DMBT1: variants seen among roughly 807,000 people sequenced by gnomAD.
The protein encoded by DMBT1 is deleted in malignant brain tumors 1, also known as scavenger receptor cysteine-rich domain-containing protein DMBT1.
A neutral mutation model predicts 252.9 loss-of-function variants in DMBT1; 198 were observed. The ratio of observed to expected loss-of-function variants is 0.78; its 90% CI spans 0.70 to 0.88. The LOEUF is 0.88. Among genes scored for constraint, DMBT1 ranks in the 40% least tolerant of loss-of-function variants. The pLI is 0.00. For missense variants in DMBT1, 2,432 were observed against 2,404.7 expected (o/e 1.01, Z -0.24); for synonymous variants, 990 against 942.7 (o/e 1.05, Z -0.92).
At chr10:122,585,980 C>A (rs942580218) in intron 15 of DMBT1, 80 bp from the exon 16 acceptor site, 5 of 1,573,720 alleles carry the variant, frequency 3.2e-6, no homozygotes, top group Admixed American at 1.7e-5. Flanking sequence ...GCCATTAGGA[C>A]GTGCCTTGAG....
intron 53 of DMBT1, 68 bp downstream of exon 53, chr10:122,636,267 T>C: frequency 7.2e-7 from 1 of 1,386,122 alleles, no homozygotes; most frequent in East Asian, 2.4e-5. Context: ...GGCTCAACTG[T>C]CCTGTTGTTG....
At chr10:122,618,464 G>A in intron 41 of DMBT1, 124 bp downstream of exon 41, 2 of 1,521,134 alleles carry the variant, frequency 1.3e-6, no homozygotes, top group South Asian at 1.3e-5. Flanking sequence ...CTGAAGTCTT[G>A]TTAGCTCTCT....
rs573596741 is a variant in DMBT1, at chr10:122,580,682, G to A, written c.1004-184G>A. On this transcript the variant is annotated intron_variant, in intron 10 of 55. Transcript: ENST00000338354. ...ACCTCAGAGCTGGCAATAGTGGACA[G>A]GATCTGCCTCGACCCCTTACACGGT... Among the ~76,000 whole-genome samples, 5 of 152,216 alleles carry A rather than the reference G, an allele frequency of 3.3e-5. No homozygotes were observed. The South Asian group carries it at 1.0e-3, about 32-fold the overall frequency.
intron 46 of DMBT1, among the ~76,000 whole-genome samples, chr10:122,626,472 A>G (rs1290713158): frequency 1.3e-5 from 2 of 152,238 alleles, no homozygotes; most frequent in Admixed American, 1.3e-4. Context: ...TGTGATGAAG[A>G]ATATTTTTAT....
At chr10:122,600,816 C>A (rs749589311) in intron 27 of DMBT1, among the ~76,000 whole-genome samples, 175 bp from the exon 28 acceptor site, 1 of 152,144 alleles carries the variant, frequency 6.6e-6, no homozygotes, top group Non-Finnish European at 1.5e-5. Context: ...CCAGCAGGAC[C>A]TTTGTCCGTG....
At chr10:122,577,014 A>G in intron 7 of DMBT1, among the ~76,000 whole-genome samples, 1 of 152,214 alleles carries the variant, frequency 6.6e-6, no homozygotes, top group South Asian at 2.1e-4. Flanking sequence ...CTGTGGGTAC[A>G]ATGCCACGGT....
chr10:122,587,419 G>A (rs955175253), intron 16 of DMBT1, among the ~76,000 whole-genome samples: 1 of 149,008 alleles, frequency 6.7e-6, no homozygotes, highest in Non-Finnish European at 1.5e-5. Context: ...GAGCACTGCA[G>A]TGTCTTGCCT....
intron 16 of DMBT1, among the ~76,000 whole-genome samples, chr10:122,587,418 A>G (rs1271556031): frequency 6.7e-6 from 1 of 148,924 alleles, no homozygotes; most frequent in Non-Finnish European, 1.5e-5. Context: ...AGAGCACTGC[A>G]GTGTCTTGCC....
At chr10:122,619,137 C>T (rs925613428) in intron 41 of DMBT1, among the ~76,000 whole-genome samples, 171 bp from the exon 42 acceptor site, 1 of 152,220 alleles carries the variant, frequency 6.6e-6, no homozygotes, top group African/African-American at 2.4e-5. Flanking sequence ...TCTGCCTGCA[C>T]CCCTTATATG....
At chr10:122,571,119 A>G (rs1399304558) in intron 4 of DMBT1, among the ~76,000 whole-genome samples, 182 bp downstream of exon 4, 1 of 152,224 alleles carries the variant, frequency 6.6e-6, no homozygotes, top group Non-Finnish European at 1.5e-5. Context: ...ACCACACATG[A>G]GCACGTGTTT....
intron 8 of DMBT1, 43 bp from the exon 9 acceptor site, chr10:122,578,675 C>G: frequency 6.4e-7 from 1 of 1,563,482 alleles, no homozygotes; most frequent in Non-Finnish European, 8.7e-7. Context: ...ACCTTTTTCC[C>G]TTCAAGTCCA....
intron 51 of DMBT1, 57 bp from the exon 52 acceptor site, chr10:122,633,134 G>A: frequency 1.3e-5 from 20 of 1,584,138 alleles, no homozygotes; most frequent in Non-Finnish European, 1.7e-5. Context: ...TAGTCCGCAG[G>A]TAGACTGTGC....
intron 2 of DMBT1, among the ~76,000 whole-genome samples, chr10:122,569,328 G>A (rs185216173): frequency 6.6e-6 from 1 of 152,252 alleles, no homozygotes; most frequent in African/African-American, 2.4e-5. Context: ...ATCAAATTGA[G>A]GAGTGAACCA....
chr10:122,591,500 T>G lies in DMBT1; in HGVS notation c.2159T>G (p.Leu720Ter). 6.3e-7 allele frequency: 1 copy of G among 1,587,614 alleles called. No individual in the cohort carries two copies. The highest frequency in any genetic ancestry group is 8.6e-7 in the Non-Finnish European group (1 of 1,165,028). ...ACAGACACGTTGTCGACCATCACGT[T>G]ACCTCCATCGACAGTAGGTAAATAA... ...PRPDTLSTIT[L>*]PPSTVGSESS... Residue 720 changes from leucine to a stop codon, truncating the protein, a stop_gained, in exon 19 of 56, where the codon TTA becomes TGA. Coordinates refer to ENST00000338354, the MANE Select transcript of DMBT1 (RefSeq NM_001377530.1). LOFTEE classifies it high-confidence loss of function.
intron 14 of DMBT1, 130 bp from the exon 15 acceptor site, chr10:122,585,141 A>G: frequency 8.0e-7 from 1 of 1,248,002 alleles, no homozygotes; most frequent in Non-Finnish European, 1.1e-6. Context: ...GGGCAGACAC[A>G]TGGGGAGCAA....
rs376147897 is a variant in DMBT1 at position 122,643,224 on chromosome 10, G to C, written c.7455G>C (p.Val2485=). The change falls in exon 56 of 56, where the codon GTG becomes GTC. Residue 2485 remains valine, a synonymous_variant. Coordinates refer to ENST00000338354, the MANE Select transcript of DMBT1 (RefSeq NM_001377530.1). ...AFHFLNRFPS[V]YLRCKMVVCR... ...ACTTCCTGAACCGCTTCCCCTCCGT[G>C]TACCTGCGTTGTAAAATGGTGGTGT... 1 of 1,613,858 alleles carries C rather than the reference G, an allele frequency of 6.2e-7. No homozygotes were observed. The highest frequency in any genetic ancestry group is 1.3e-5 in the African/African-American group (1 of 74,924).
At chr10:122,621,695 G>T (rs2098070877) in intron 44 of DMBT1, among the ~76,000 whole-genome samples, 1 of 152,136 alleles carries the variant, frequency 6.6e-6, no homozygotes, top group African/African-American at 2.4e-5. Flanking sequence ...ACTGGGTGAG[G>T]GTATGGTGGA....
chr10:122,564,590 G>A (rs57448824), intron 1 of DMBT1, among the ~76,000 whole-genome samples: 176 of 151,322 alleles, frequency 1.2e-3, no homozygotes, highest in African/African-American at 4.2e-3. Context: ...ATACATTTTG[G>A]TATATAAACA....
rs370660201 is a variant in DMBT1 at position 122,592,257 on chromosome 10, T to C, written c.2177-15T>C. 1.3e-6 allele frequency: 2 copies of C among 1,585,442 alleles called. No homozygotes were observed. The highest frequency in any genetic ancestry group is 1.7e-6 in the Non-Finnish European group (2 of 1,165,010). On this transcript the variant is annotated splice_polypyrimidine_tract_variant and intron_variant, in intron 19 of 55. Coordinates refer to ENST00000338354, the MANE Select transcript of DMBT1 (RefSeq NM_001377530.1). ...ATGGTAGGGATGGATAAAGGGTTCTTGTGTTCCCCTGTAGGATCTGAATCC... is the reference window on the plus strand; with the variant it reads ...ATGGTAGGGATGGATAAAGGGTTCTCGTGTTCCCCTGTAGGATCTGAATCC...
Sources: allele counts gnomAD v4.1 joint callset (sites outside exome capture counted in the v4.1 genomes callset), GRCh38; gene constraint gnomAD v4.1.1; transcripts MANE v1.5; gene names NCBI Gene and HGNC (gene_info 2026-07-23, HGNC 2026-07-21).